PDZRN4: variants seen among roughly 807,000 people sequenced by gnomAD.
PDZRN4 encodes the protein PDZ domain containing ring finger 4, also known as PDZ domain-containing RING finger protein 4.
In PDZRN4, 70 loss-of-function variants were observed where a neutral mutation model predicts 99.0. The ratio of observed to expected loss-of-function variants is 0.71; its 90% CI spans 0.58 to 0.86. The LOEUF (loss-of-function observed/expected upper bound fraction) is 0.86. Among genes scored for constraint, PDZRN4 ranks in the 40% least tolerant of loss-of-function variants. The pLI, the probability that PDZRN4 is intolerant of heterozygous loss-of-function variation, is 0.00. For synonymous variants in PDZRN4, 551 were observed against 501.6 expected, an observed-to-expected ratio of 1.10 and a Z score of -1.32; for missense variants, 1,474 against 1,331.2, an observed-to-expected ratio of 1.11 and a Z score of -1.67.
chr12:41,231,728 T>C (rs1951030722), intron 3 of PDZRN4, among the ~76,000 whole-genome samples: 1 of 152,116 alleles, frequency 6.6e-6, no homozygotes, highest in African/African-American at 2.4e-5. Context: ...TGACAGTGAA[T>C]AGTTCTCACA....
rs951485356 is a variant in PDZRN4 at position 41,258,070 on chromosome 12, A to G, written c.843+63882A>G. Among the ~76,000 whole-genome samples, 8 of 152,270 alleles carry G rather than the reference A, an allele frequency of 5.3e-5. No homozygotes were observed. In the South Asian group the frequency reaches 1.0e-3, roughly 20 times the overall value. On this transcript the variant is annotated intron_variant, in intron 3 of 9. Coordinates refer to ENST00000402685, the MANE Select transcript of PDZRN4 (RefSeq NM_001164595.2). The stretch of plus-strand genomic sequence containing the variant: ...TCACATAGCAAGTGATAGGGGCTGG[A>G]TTTAGACACAATGAGCTACTCCCTG...
intron 3 of PDZRN4, among the ~76,000 whole-genome samples, chr12:41,338,271 A>C (rs994526021): frequency 1.5e-4 from 23 of 152,254 alleles, no homozygotes; most frequent in Admixed American, 5.9e-4. Flanking sequence ...ACAATTAATT[A>C]ATTCATTCAT....
At chr12:41,420,747 C>T (rs1399917837) in intron 3 of PDZRN4, among the ~76,000 whole-genome samples, 1 of 152,120 alleles carries the variant, frequency 6.6e-6, no homozygotes, top group Non-Finnish European at 1.5e-5. Flanking sequence ...GTTCTTGACC[C>T]TTTTTTCCTT....
chr12:41,218,236 C>T (rs762222215), intron 3 of PDZRN4, among the ~76,000 whole-genome samples: 1 of 152,080 alleles, frequency 6.6e-6, no homozygotes, highest in Admixed American at 6.6e-5. Flanking sequence ...TCTCCTAGTT[C>T]ATTGCTTTAC....
intron 3 of PDZRN4, among the ~76,000 whole-genome samples, chr12:41,481,775 CCAATCTCTA>C (rs1302601860): frequency 6.6e-6 from 1 of 151,930 alleles, no homozygotes; most frequent in Non-Finnish European, 1.5e-5. Context: ...ATGTACATGT[CCAATCTCTA>C]CAACTAAATC....
At position 41,191,483 on chromosome 12, in the gene PDZRN4, T is replaced by C. The variant is rs775356294; in HGVS notation, c.674T>C (p.Ile225Thr). 2 of 1,567,896 alleles carry C rather than the reference T, an allele frequency of 1.3e-6. No individual in the cohort carries two copies. The highest frequency in any genetic ancestry group is 1.3e-5 in the African/African-American group (1 of 74,388). Residue 225 changes from isoleucine (I) to threonine (T), a missense_variant, in exon 2 of 10, where the codon ATT becomes ACT. Ile to Thr is a moderately conservative substitution (Grantham distance 89). Coordinates refer to ENST00000402685, the MANE Select transcript of PDZRN4 (RefSeq NM_001164595.2). ...GATGGAGAGCATAAGCCATTCACTA[T>C]TGTGTTAGAAAGAGAAAATGACACT... ...RRDGEHKPFT[I>T]VLERENDTLG...
chr12:41,418,849 G>A (rs1189788278), intron 3 of PDZRN4, among the ~76,000 whole-genome samples: 1 of 152,114 alleles, frequency 6.6e-6, no homozygotes, highest in Non-Finnish European at 1.5e-5. Flanking sequence ...GGTGTCAGCT[G>A]GGGGGTAACT....
intron 7 of PDZRN4, among the ~76,000 whole-genome samples, chr12:41,558,532 T>C (rs1939208831): frequency 6.6e-6 from 1 of 152,202 alleles, no homozygotes; most frequent in African/African-American, 2.4e-5. Context: ...TATAGTTGGA[T>C]GGAAATAAAG....
intron 3 of PDZRN4, among the ~76,000 whole-genome samples, chr12:41,490,704 CCTT>C (rs1258155147): frequency 6.6e-6 from 1 of 151,996 alleles, no homozygotes; most frequent in East Asian, 1.9e-4. Flanking sequence ...TCTTCAACAT[CCTT>C]CGTTTTATTG....
At chr12:41,486,037 T>A (rs1481053080) in intron 3 of PDZRN4, among the ~76,000 whole-genome samples, 1 of 152,142 alleles carries the variant, frequency 6.6e-6, no homozygotes, top group Non-Finnish European at 1.5e-5. Context: ...AGTTTCCAGT[T>A]TTATGTAAGG....
intron 3 of PDZRN4, among the ~76,000 whole-genome samples, chr12:41,488,861 C>T (rs567211093): frequency 1.4e-3 from 208 of 152,210 alleles, no homozygotes; most frequent in African/African-American, 4.6e-3. Flanking sequence ...AACCAGGTCC[C>T]GATTAGATCC....
At chr12:41,489,442 G>A (rs1937840037) in intron 3 of PDZRN4, among the ~76,000 whole-genome samples, 1 of 152,062 alleles carries the variant, frequency 6.6e-6, no homozygotes, top group Non-Finnish European at 1.5e-5. Flanking sequence ...CAGTCACTTA[G>A]GAAATAATTC....
chr12:41,571,376 TCACACACACA>T (rs147910134), intron 9 of PDZRN4, among the ~76,000 whole-genome samples: 50 of 65,588 alleles, frequency 7.6e-4, no homozygotes, highest in African/African-American at 2.4e-3. Context: ...TCTCTCTCTC[TCACACACACA>T]CACACACACA....
At chr12:41,281,388 G>A (rs546602306) in intron 3 of PDZRN4, among the ~76,000 whole-genome samples, 1 of 152,228 alleles carries the variant, frequency 6.6e-6, no homozygotes, top group South Asian at 2.1e-4. Context: ...ACAGAAGTAG[G>A]CTTCAGAAGG....
chr12:41,253,153 G>C (rs531620841), intron 3 of PDZRN4, among the ~76,000 whole-genome samples: 2 of 152,248 alleles, frequency 1.3e-5, no homozygotes, highest in Admixed American at 1.3e-4. Context: ...CCCTTGCTGT[G>C]CAGGAGCTTT....
chr12:41,366,223 AAATAAGT>A (rs1951999711), intron 3 of PDZRN4, among the ~76,000 whole-genome samples: 1 of 152,168 alleles, frequency 6.6e-6, no homozygotes, highest in Non-Finnish European at 1.5e-5. Flanking sequence ...AAAGGTAGTT[AAATAAGT>A]AATAAGGATA....
intron 3 of PDZRN4, chr12:41,413,089 G>GAA (rs34380846): frequency 4.8e-4 from 70 of 147,130 alleles, no homozygotes; most frequent in Admixed American, 1.2e-3. Flanking sequence ...GACTCCATCT[G>GAA]AAAAAAAAGA....
chr12:41,432,759 G>A (rs568703523), intron 3 of PDZRN4, among the ~76,000 whole-genome samples: 3 of 152,304 alleles, frequency 2.0e-5, no homozygotes, highest in South Asian at 2.1e-4. Context: ...AAGGAAGAAG[G>A]AGCCTTTAAA....
At chr12:41,355,958 T>A (rs559282345) in intron 3 of PDZRN4, among the ~76,000 whole-genome samples, 1 of 152,132 alleles carries the variant, frequency 6.6e-6, no homozygotes, top group East Asian at 1.9e-4. Flanking sequence ...TATAGACTTT[T>A]AAAAGTATAA....
Sources: gnomAD v4.1 joint callset for allele counts (sites outside exome capture counted in the v4.1 genomes callset) on GRCh38, gnomAD v4.1.1 for gene constraint, MANE v1.5 for transcripts, NCBI Gene and HGNC (gene_info 2026-07-23, HGNC 2026-07-21) for gene names.